FAM181A: variants seen among roughly 807,000 people sequenced by gnomAD.
FAM181A encodes protein FAM181A.
A neutral mutation model predicts 16.3 loss-of-function variants in FAM181A; 7 were observed. That is an observed-to-expected ratio of 0.43 (90% CI 0.24 to 0.81). FAM181A has a LOEUF of 0.81. FAM181A is among the 30% of genes least tolerant of loss of function. The pLI is 0.24. For synonymous variants in FAM181A, 183 were observed against 164.9 expected (o/e 1.11, Z -0.84); for missense variants, 349 against 377.5 (o/e 0.92, Z 0.63).
chr14:93,922,930 T>G (rs1429699853), upstream of FAM181A, among the ~76,000 whole-genome samples: 1 of 152,184 alleles, frequency 6.6e-6, no homozygotes, highest in Non-Finnish European at 1.5e-5. Flanking sequence ...GAAAATAAAT[T>G]TGTACTCATA....
upstream of FAM181A, chr14:93,925,107 C>A: frequency 1.7e-6 from 1 of 602,812 alleles, no homozygotes; most frequent in Non-Finnish European, 2.9e-6. Context: ...AAGACACCAA[C>A]TCACCTCCCA....
At chr14:93,925,395 T>G (rs567982653), upstream of FAM181A, 1 of 1,604,916 alleles carries the variant, frequency 6.2e-7, no homozygotes, top group African/African-American at 1.3e-5. Flanking sequence ...AGATGCCAGC[T>G]GCTGGAGAGG....
chr14:93,928,607 T>G lies in FAM181A; in HGVS notation c.322T>G (p.Cys108Gly). Residue 108 changes from cysteine (C) to glycine (G), a missense_variant, in exon 2 of 2, where the codon TGT becomes GGT. By Grantham distance (159) the Cys-to-Gly change is radical (BLOSUM62 -3). Transcript: ENST00000556222. ...GCTGAGGAACCCCTACAGGGAGGAA[T>G]GTCTTGCTAAGGAGCAGCTCCCACA... ...KVLRNPYREE[C>G]LAKEQLPQRQ... is the part of the protein sequence containing the mutation. 1 of 1,613,788 alleles carries G rather than the reference T, an allele frequency of 6.2e-7. No individual in the cohort carries two copies. The highest frequency in any genetic ancestry group is 2.2e-5 in the East Asian group (1 of 44,860).
intron 1 of FAM181A, among the ~76,000 whole-genome samples, chr14:93,920,782 A>C (rs551792915): frequency 6.6e-6 from 1 of 152,308 alleles, no homozygotes; most frequent in South Asian, 2.1e-4. Context: ...CAAGACACAG[A>C]GGTCTGTTTG....
rs769744138 is a variant in FAM181A at position 93,919,726 on chromosome 14, C to T, written c.-225+732C>T. ...GAGAAAGTCCCACATAGGTCTTTCT[C>T]GTTGCCAAAGAGGACATCTCAAAGA... On this transcript the variant is annotated intron_variant, in intron 1 of 2. Coordinates refer to the FAM181A transcript ENST00000267594. Among the ~76,000 whole-genome samples, 10 of 152,164 alleles carry T rather than the reference C, an allele frequency of 6.6e-5. No homozygotes were observed. In the South Asian group the frequency reaches 8.3e-4, roughly 13 times the overall value.
chr14:93,922,979 A>ATT (rs149926732), upstream of FAM181A, among the ~76,000 whole-genome samples: 16 of 147,792 alleles, frequency 1.1e-4, no homozygotes, highest in South Asian at 2.2e-4. Flanking sequence ...GAATCTCCAC[A>ATT]TTTTTTTTTT....
intron 1 of FAM181A, among the ~76,000 whole-genome samples, chr14:93,919,592 C>A (rs1445001668): frequency 2.0e-5 from 3 of 152,220 alleles, no homozygotes; most frequent in Non-Finnish European, 2.9e-5. Flanking sequence ...CTACCCCCAG[C>A]ACTTCAGAGA....
upstream of FAM181A, chr14:93,925,152 T>C (rs888035955): frequency 3.4e-6 from 3 of 890,108 alleles, no homozygotes; most frequent in Admixed American, 2.5e-5. Flanking sequence ...GGCTTACTAC[T>C]GGCTAAGAAA....
upstream of FAM181A, chr14:93,925,500 C>T (rs1247478229): frequency 6.6e-6 from 5 of 752,600 alleles, no homozygotes; most frequent in Non-Finnish European, 8.4e-6. Flanking sequence ...TCTTCAGCCA[C>T]GCGTGCCAGA....
At chr14:93,927,269 G>A, upstream of FAM181A, 1 of 1,015,922 alleles carries the variant, frequency 9.8e-7, no homozygotes, top group South Asian at 3.6e-5. Context: ...TTTGTATCTG[G>A]AGAGGCGCTC....
chr14:93,927,642 G>A (rs1053069242), intron 1 of FAM181A, 188 bp downstream of exon 1: 4 of 1,283,534 alleles, frequency 3.1e-6, no homozygotes, highest in Non-Finnish European at 4.1e-6. Context: ...TCTCGATTAA[G>A]TGCCAGACAG....
upstream of FAM181A, chr14:93,925,289 A>G (rs775487124): frequency 6.2e-7 from 1 of 1,613,662 alleles, no homozygotes; most frequent in Admixed American, 1.7e-5. Flanking sequence ...TAGAAGAGAG[A>G]AGATCTTCTG....
chr14:93,927,654 G>T, intron 1 of FAM181A, 200 bp downstream of exon 1: 1 of 1,273,324 alleles, frequency 7.9e-7, no homozygotes, highest in Admixed American at 2.3e-5. Context: ...GCCAGACAGG[G>T]GTCCTGCCTG....
chr14:93,926,721 C>T (rs1411811288), upstream of FAM181A, among the ~76,000 whole-genome samples: 3 of 152,188 alleles, frequency 2.0e-5, no homozygotes, highest in African/African-American at 7.2e-5. This position sits in a 1 kb window ranked among gnomAD's most constrained non-coding sequence, Gnocchi z 5.2. Context: ...GCCACCTTTT[C>T]CGACAGGCAT....
At position 93,927,551 on chromosome 14, in the gene FAM181A, C is replaced by T. The variant is rs756297883; in HGVS notation, c.-88+97C>T. ...GGGGCGAGGTGCCGTGGGTGGCGGC[C>T]GAGGAGGCATGAAATTGCTGCAGAT... is the stretch of plus-strand genomic sequence containing the variant. On this transcript the variant is annotated intron_variant, in intron 1 of 1. Coordinates refer to ENST00000556222, the MANE Select transcript of FAM181A (RefSeq NM_001207073.2). 1.1e-4 allele frequency: 147 copies of T among 1,284,500 alleles called. 1 individual carries two copies. The South Asian group carries it at 1.5e-3, about 13-fold the overall frequency. The allele number at this position is 1,284,500 out of a possible 1,614,324, so 79.6% of individuals were successfully genotyped here.
intron 1 of FAM181A, 78 bp downstream of exon 1, chr14:93,927,532 A>G (rs1341655695): frequency 7.8e-7 from 1 of 1,282,554 alleles, no homozygotes; most frequent in Non-Finnish European, 1.0e-6. Context: ...GGGAGGGGCG[A>G]GGTGCCGTGG....
rs201850134 is a variant in FAM181A at position 93,929,211 on chromosome 14, C to T, written c.*47C>T. 432 of 1,498,956 alleles carry T rather than the reference C, an allele frequency of 2.9e-4. 1 individual carries two copies. The East Asian group carries it at 4.2e-3, about 15-fold the overall frequency. The allele number at this position is 1,498,956 out of a possible 1,614,324, so 92.9% of individuals were successfully genotyped here. A position where few individuals can be genotyped will look rare whatever the true frequency, so the allele number is the denominator to read the frequency against. On this transcript the variant is annotated 3_prime_UTR_variant, in exon 2 of 2. Coordinates refer to ENST00000556222, the MANE Select transcript of FAM181A (RefSeq NM_001207073.2). ...CCCCACCTCTGGCCTGCAGGAGTGT[C>T]GAGGTCCCCGAGGCGCTCTCCTGTG...
At chr14:93,919,553 C>T (rs1887646656) in intron 1 of FAM181A, among the ~76,000 whole-genome samples, 1 of 152,178 alleles carries the variant, frequency 6.6e-6, no homozygotes. Flanking sequence ...ATTTTCAAGG[C>T]TGTTGGCATG....
At chr14:93,926,587 G>A (rs537532231), upstream of FAM181A, among the ~76,000 whole-genome samples, 38 of 152,314 alleles carry the variant, frequency 2.5e-4, no homozygotes, top group African/African-American at 8.9e-4. This position sits in a 1 kb window ranked among gnomAD's most constrained non-coding sequence, Gnocchi z 5.2. Context: ...GTCCGGCTGC[G>A]CTGAATGGGC....
Sources: allele counts gnomAD v4.1 joint callset (sites outside exome capture counted in the v4.1 genomes callset), GRCh38; gene constraint gnomAD v4.1.1; non-coding constraint Gnocchi (gnomAD v3.1); transcripts MANE v1.5; gene names NCBI Gene and HGNC (gene_info 2026-07-23, HGNC 2026-07-21).